The following PCDH15 variants were observed in gnomAD, a reference collection of about 807,000 sequenced individuals.
PCDH15 encodes protocadherin related 15.
In PCDH15, 129 loss-of-function variants were observed where a neutral mutation model predicts 178.5. The observed-to-expected ratio is 0.72, with a 90% CI of 0.63 to 0.84. The LOEUF is 0.84. Ranked by LOEUF, PCDH15 falls within the 40% of genes least tolerant of loss-of-function variation. PCDH15 has a pLI of 0.00. For missense variants in PCDH15, 2,230 were observed against 2,099.9 expected (o/e 1.06, Z -1.21); for synonymous variants, 800 against 732.0 (o/e 1.09, Z -1.50).
At chr10:53,863,085 A>G (rs2079203573) in intron 27 of PCDH15, among the ~76,000 whole-genome samples, 1 of 152,218 alleles carries the variant, frequency 6.6e-6, no homozygotes, top group African/African-American at 2.4e-5. Context: ...CCTTTTAAAA[A>G]TATTCGGGTG....
intron 8 of PCDH15, among the ~76,000 whole-genome samples, chr10:54,289,887 T>C (rs906879888): frequency 3.3e-5 from 5 of 152,090 alleles, no homozygotes; most frequent in Admixed American, 1.3e-4. Flanking sequence ...CCAAGAAATA[T>C]AGGACTATGT....
At chr10:54,969,875 C>G (rs1196384692) in intron 2 of PCDH15, among the ~76,000 whole-genome samples, 2 of 152,158 alleles carry the variant, frequency 1.3e-5, no homozygotes, top group African/African-American at 4.8e-5. Context: ...AAAATATAGA[C>G]TCTATTACTC....
chr10:54,746,493 G>A (rs1408231469), intron 1 of PCDH15, among the ~76,000 whole-genome samples: 1 of 152,020 alleles, frequency 6.6e-6, no homozygotes, highest in Non-Finnish European at 1.5e-5. Context: ...CAGAAAGAAA[G>A]GATAAGTGCT....
At chr10:55,076,526 A>T (rs1841892486) in intron 2 of PCDH15, among the ~76,000 whole-genome samples, 1 of 151,110 alleles carries the variant, frequency 6.6e-6, no homozygotes, top group African/African-American at 2.4e-5. Context: ...ATCTCAGTTC[A>T]CTGCGACCTC....
chr10:54,079,557 G>A (rs1434572178), intron 16 of PCDH15, 133 bp from the exon 17 acceptor site: 3 of 821,146 alleles, frequency 3.7e-6, no homozygotes, highest in Middle Eastern at 2.3e-4. Flanking sequence ...TATTTTAGAT[G>A]TATAATACTA....
intron 1 of PCDH15, among the ~76,000 whole-genome samples, chr10:54,744,417 T>C (rs985404329): frequency 6.6e-6 from 1 of 152,012 alleles, no homozygotes; most frequent in Non-Finnish European, 1.5e-5. Flanking sequence ...AAATAAATAG[T>C]ACACATACAT....
chr10:54,822,274 AT>A lies in PCDH15; in HGVS notation c.-29+75175del, dbSNP rs541245113. Among the ~76,000 whole-genome samples the A allele has an allele frequency of 5.3e-5, 8 of 152,128 alleles. No individual in the cohort carries two copies. The South Asian group carries it at 1.7e-3, about 32-fold the overall frequency. On this transcript the variant is annotated intron_variant, in intron 3 of 5. Coordinates refer to the PCDH15 transcript ENST00000458638. ...TCCTTTTAACTGTATTTCTGTGCCT[AT>A]TTACCAAAGCTTTTATAGCTCTCCC... is the stretch of plus-strand genomic sequence containing the variant.
At chr10:54,601,141 C>A (rs2092509230) in intron 2 of PCDH15, among the ~76,000 whole-genome samples, 1 of 151,892 alleles carries the variant, frequency 6.6e-6, no homozygotes, top group Non-Finnish European at 1.5e-5. Flanking sequence ...AATGTCATAG[C>A]AGTACTTGCT....
intron 1 of PCDH15, among the ~76,000 whole-genome samples, chr10:55,179,341 C>G (rs1839579527): frequency 6.6e-6 from 1 of 152,088 alleles, no homozygotes; most frequent in African/African-American, 2.4e-5. Context: ...CCTAGGCAGA[C>G]AGGGTCCCTC....
chr10:54,680,176 G>T (rs557424954), intron 1 of PCDH15, among the ~76,000 whole-genome samples: 1 of 152,194 alleles, frequency 6.6e-6, no homozygotes, highest in Admixed American at 6.5e-5. Flanking sequence ...TAAATGCAGT[G>T]ATAAGAGATA....
intron 1 of PCDH15, among the ~76,000 whole-genome samples, chr10:55,178,093 G>A (rs538344937): frequency 2.0e-4 from 31 of 152,280 alleles, no homozygotes; most frequent in African/African-American, 7.2e-4. Context: ...TCTGGAAAGA[G>A]AGAGACTTCC....
intron 2 of PCDH15, among the ~76,000 whole-genome samples, chr10:55,349,677 C>A (rs180905302): frequency 5.9e-5 from 9 of 151,902 alleles, no homozygotes; most frequent in African/African-American, 1.9e-4. Flanking sequence ...GCTGTAAATA[C>A]GCAGGTTCAA....
intron 3 of PCDH15, among the ~76,000 whole-genome samples, chr10:54,473,677 T>A (rs2078075586): frequency 6.6e-6 from 1 of 152,158 alleles, no homozygotes; most frequent in African/African-American, 2.4e-5. Context: ...ACTATAAAAA[T>A]AATATAACAA....
At chr10:55,415,927 T>C (rs894240829) in intron 2 of PCDH15, among the ~76,000 whole-genome samples, 1 of 150,798 alleles carries the variant, frequency 6.6e-6, no homozygotes, top group Non-Finnish European at 1.5e-5. Context: ...AAGAGCCATA[T>C]TTTTTTTTCT....
chr10:54,431,994 T>C (rs1335355756), intron 3 of PCDH15, among the ~76,000 whole-genome samples: 1 of 151,794 alleles, frequency 6.6e-6, no homozygotes, highest in Non-Finnish European at 1.5e-5. Flanking sequence ...TAAAATAATA[T>C]ACCTAAGAAT....
In PCDH15 at chr10:54,003,688, T is replaced by C. The variant is rs565455751; in HGVS notation, c.2752-7923A>G. 3.7e-5 allele frequency among the ~76,000 whole-genome samples: 5 copies of C among 133,430 alleles called. No homozygotes were observed. In the South Asian group the frequency reaches 7.0e-4, roughly 19 times the overall value. 87.5% of individuals were successfully genotyped at this position (133,430 alleles called of 152,430 possible). A position where few individuals can be genotyped will look rare whatever the true frequency, so the allele number is the denominator to read the frequency against. On this transcript the variant is annotated intron_variant, in intron 20 of 37. Transcript: ENST00000644397. Reference sequence around the variant, plus strand: ...ACCTGATGGTTTTGCTACTGAATTCTACCAAATATTTAAAGAAGTACTAAT... The same window carrying C: ...ACCTGATGGTTTTGCTACTGAATTCCACCAAATATTTAAAGAAGTACTAAT...
intron 6 of PCDH15, among the ~76,000 whole-genome samples, chr10:54,345,313 C>A (rs1943059960): frequency 6.6e-6 from 1 of 152,018 alleles, no homozygotes; most frequent in Admixed American, 6.6e-5. Context: ...TTTTGCTTGT[C>A]TGTCTAAAGT....
intron 2 of PCDH15, among the ~76,000 whole-genome samples, chr10:55,527,543 G>A (rs1360109577): frequency 6.6e-6 from 1 of 152,020 alleles, no homozygotes; most frequent in East Asian, 1.9e-4. Context: ...GTTATATTCT[G>A]AGTTTCTAGG....
At chr10:55,323,931 A>C (rs1297297239), upstream of PCDH15, among the ~76,000 whole-genome samples, 3 of 152,140 alleles carry the variant, frequency 2.0e-5, no homozygotes, top group African/African-American at 7.2e-5. Flanking sequence ...AATAATGCCC[A>C]TGCATCAAGG....
Sources: gnomAD v4.1 joint callset for allele counts (sites outside exome capture counted in the v4.1 genomes callset) on GRCh38, gnomAD v4.1.1 for gene constraint, MANE v1.5 for transcripts, NCBI Gene and HGNC (gene_info 2026-07-23, HGNC 2026-07-21) for gene names.